The following PHACTR3 variants were observed in gnomAD, a reference collection of about 807,000 sequenced individuals.
PHACTR3 encodes phosphatase and actin regulator 3.
Under a neutral mutation model 66.8 loss-of-function variants are expected in PHACTR3, and 16 were observed. The ratio of observed to expected loss-of-function variants is 0.24; its 90% CI spans 0.16 to 0.36. The LOEUF (loss-of-function observed/expected upper bound fraction) is 0.36, where lower values mean the gene tolerates loss of function less well. PHACTR3 is among the 10% of genes least tolerant of loss of function. The pLI is 1.00. For missense variants in PHACTR3, 647 were observed against 719.9 expected, an observed-to-expected ratio of 0.90 and a Z score of 1.16; for synonymous variants, 323 against 292.1, an observed-to-expected ratio of 1.11 and a Z score of -1.08.
chr20:59,815,582 G>A (rs2041865346), intron 8 of PHACTR3, among the ~76,000 whole-genome samples: 1 of 151,990 alleles, frequency 6.6e-6, no homozygotes, highest in African/African-American at 2.4e-5. Context: ...GCACCACCAT[G>A]CCCAGCTAAC....
In PHACTR3 at chr20:59,773,430, G is replaced by A. The variant is rs1331658792; in HGVS notation, c.903G>A (p.Leu301=). ...TCATTGAGGAGCTGCACAGGGCGCTGGCCACGAAGCACCGCCAGGACAGGT... is the reference window on the plus strand; with the variant it reads ...TCATTGAGGAGCTGCACAGGGCGCTAGCCACGAAGCACCGCCAGGACAGGT... ...SRVIEELHRA[L]ATKHRQDSFQ... Residue 301 remains leucine, a synonymous_variant, in exon 6 of 13, where the codon CTG becomes CTA. Transcript: ENST00000371015. 1 of 1,612,800 alleles carries A rather than the reference G, an allele frequency of 6.2e-7. No homozygotes were observed. The highest frequency in any genetic ancestry group is 8.5e-7 in the Non-Finnish European group (1 of 1,179,600).
intron 1 of PHACTR3, among the ~76,000 whole-genome samples, chr20:59,661,152 T>C (rs2035791368): frequency 6.6e-6 from 1 of 152,254 alleles, no homozygotes; most frequent in Non-Finnish European, 1.5e-5. Context: ...GGGGCATGAT[T>C]AGCAGAAGGG....
chr20:59,755,306 G>T lies in PHACTR3; in HGVS notation c.483G>T (p.Gly161=). The change falls in exon 4 of 13, where the codon GGG becomes GGT. Residue 161 remains glycine (G), a synonymous_variant. Transcript: ENST00000371015. Reference sequence around the variant, plus strand: ...AGCCCGGAAGCCCCTTGGCCACTGGGACGGACCAGGTCTCCCTGGACAAGC... The same window carrying T: ...AGCCCGGAAGCCCCTTGGCCACTGGTACGGACCAGGTCTCCCTGGACAAGC... ...DAQPGSPLAT[G]TDQVSLDKPL... The T allele has an allele frequency of 6.2e-7, 1 of 1,613,002 alleles. No individual in the cohort carries two copies.
At chr20:59,622,996 A>AAAAAAAAAAAAAAAAAAAAAAAAAAC (rs1568940612) in intron 1 of PHACTR3, among the ~76,000 whole-genome samples, 4 of 146,534 alleles carry the variant, frequency 2.7e-5, no homozygotes, top group African/African-American at 1.0e-4. Context: ...AAAAAAAAAA[A>AAAAAAAAAAAAAAAAAAAAAAAAAAC]AAAAACCCAA....
chr20:59,623,428 G>A (rs986135781), intron 1 of PHACTR3, among the ~76,000 whole-genome samples: 48 of 152,258 alleles, frequency 3.2e-4, no homozygotes, highest in African/African-American at 1.1e-3. Flanking sequence ...AACAAACATC[G>A]ACTGTCTTTT....
intron 1 of PHACTR3, among the ~76,000 whole-genome samples, chr20:59,735,369 G>A (rs1601222158): frequency 6.6e-6 from 1 of 152,004 alleles, no homozygotes; most frequent in African/African-American, 2.4e-5. Context: ...AACAAACAAG[G>A]AAAAAATTAT....
intron 1 of PHACTR3, among the ~76,000 whole-genome samples, chr20:59,632,763 T>G (rs1202263034): frequency 2.6e-5 from 4 of 152,178 alleles, no homozygotes; most frequent in Non-Finnish European, 5.9e-5. Flanking sequence ...CTCATGAAAG[T>G]GCCCAGGCTG....
At chr20:59,690,408 C>T (rs903345941) in intron 1 of PHACTR3, among the ~76,000 whole-genome samples, 1 of 152,208 alleles carries the variant, frequency 6.6e-6, no homozygotes, top group East Asian at 1.9e-4. Flanking sequence ...CCTCAGACGC[C>T]GTCCCCACTG....
chr20:59,781,018 A>G (rs1285615799), intron 7 of PHACTR3, among the ~76,000 whole-genome samples: 2 of 152,232 alleles, frequency 1.3e-5, no homozygotes, highest in Non-Finnish European at 2.9e-5. Context: ...TCCACCGCTC[A>G]TCAAAATACT....
chr20:59,635,815 C>G (rs1555364), intron 1 of PHACTR3, among the ~76,000 whole-genome samples: 1 of 152,026 alleles, frequency 6.6e-6, no homozygotes, highest in Non-Finnish European at 1.5e-5. Flanking sequence ...TCATATTATC[C>G]TGATTAATGG....
At chr20:59,760,759 G>A (rs374328700) in intron 4 of PHACTR3, among the ~76,000 whole-genome samples, 20 of 152,186 alleles carry the variant, frequency 1.3e-4, no homozygotes, top group South Asian at 4.1e-4. Context: ...AGAAGGATCC[G>A]GTGTTTTGAC....
In PHACTR3 at chr20:59,771,539, C is replaced by T. The variant is rs564410719; in HGVS notation, c.752-1740C>T. ...TCCCAAACCAGCTACCACCTCCCCC[C>T]GACCAGCCCAGTACTCTCAGCCCAC... On this transcript the variant is annotated intron_variant, in intron 5 of 12. Transcript: ENST00000371015. 1.4e-3 allele frequency among the ~76,000 whole-genome samples: 219 copies of T among 152,184 alleles called. 1 individual carries two copies. Among genetic ancestry groups the T allele is most frequent in the Non-Finnish European group, 2.6e-3 (175 of 67,990 alleles).
intron 1 of PHACTR3, among the ~76,000 whole-genome samples, chr20:59,741,561 C>T (rs1307880749): frequency 6.6e-6 from 1 of 152,146 alleles, no homozygotes; most frequent in Non-Finnish European, 1.5e-5. Context: ...ACACTGTGAC[C>T]CTAGGATGGA....
intron 8 of PHACTR3, among the ~76,000 whole-genome samples, chr20:59,828,099 C>T (rs997604093): frequency 2.6e-5 from 4 of 152,180 alleles, no homozygotes; most frequent in Non-Finnish European, 5.9e-5. Context: ...CATGAGAGTC[C>T]GAAGCCTGTT....
chr20:59,603,003 A>C (rs1188662199), upstream of PHACTR3, among the ~76,000 whole-genome samples: 2 of 152,166 alleles, frequency 1.3e-5, no homozygotes. Context: ...AGTAGCTCTC[A>C]CCTACCAGGG....
chr20:59,655,517 T>G (rs2035589730), intron 1 of PHACTR3, among the ~76,000 whole-genome samples: 2 of 151,952 alleles, frequency 1.3e-5, no homozygotes, highest in Admixed American at 1.3e-4. Context: ...ACACTCTTGA[T>G]TTTAGTAATT....
chr20:59,761,766 T>C (rs2040000093), intron 4 of PHACTR3, among the ~76,000 whole-genome samples: 1 of 152,142 alleles, frequency 6.6e-6, no homozygotes, highest in Non-Finnish European at 1.5e-5. Context: ...AGTCATGAAC[T>C]TGTGGCGCTG....
At chr20:59,812,492 A>C (rs1219771145) in intron 8 of PHACTR3, among the ~76,000 whole-genome samples, 3 of 152,028 alleles carry the variant, frequency 2.0e-5, no homozygotes, top group Admixed American at 1.3e-4. Flanking sequence ...CCTCCTCTAG[A>C]TGTGCTTTAG....
intron 1 of PHACTR3, among the ~76,000 whole-genome samples, chr20:59,608,767 G>A (rs892116262): frequency 3.3e-5 from 5 of 152,258 alleles, no homozygotes; most frequent in East Asian, 1.9e-4. Flanking sequence ...TGTTCTGCCC[G>A]GTCCTTCCAG....
Sources: allele counts gnomAD v4.1 joint callset (sites outside exome capture counted in the v4.1 genomes callset), GRCh38; gene constraint gnomAD v4.1.1; transcripts MANE v1.5; gene names NCBI Gene and HGNC (gene_info 2026-07-23, HGNC 2026-07-21).